The following TAFA2 variants were observed in gnomAD, a reference collection of about 807,000 sequenced individuals.
The protein encoded by TAFA2 is TAFA chemokine like family member 2, also known as chemokine-like protein TAFA-2.
A neutral mutation model predicts 18.8 loss-of-function variants in TAFA2; 7 were observed. That is an observed-to-expected ratio of 0.37 (90% CI 0.21 to 0.70). TAFA2 has a LOEUF of 0.70. Ranked by LOEUF, TAFA2 falls within the 30% of genes least tolerant of loss-of-function variation. The pLI is 0.53. For synonymous variants in TAFA2, 60 were observed against 54.2 expected (o/e 1.11, Z -0.47); for missense variants, 122 against 158.1 (o/e 0.77, Z 1.23).
chr12:62,226,479 G>GA (rs2062787303), intron 1 of TAFA2, among the ~76,000 whole-genome samples: 1 of 152,270 alleles, frequency 6.6e-6, no homozygotes, highest in East Asian at 1.9e-4. Context: ...TTACAGGCGT[G>GA]AGCCACCGCA....
intron 1 of TAFA2, among the ~76,000 whole-genome samples, chr12:62,244,257 A>G (rs1251154450): frequency 7.8e-6 from 1 of 127,782 alleles, no homozygotes; most frequent in South Asian, 2.3e-4. Flanking sequence ...TTTTTTGCAT[A>G]ATGTTTTATT....
chr12:62,014,233 A>AAG (rs1301654354), intron 1 of TAFA2, among the ~76,000 whole-genome samples: 2 of 152,220 alleles, frequency 1.3e-5, no homozygotes, highest in African/African-American at 4.8e-5. Flanking sequence ...TTAGTGGACC[A>AAG]ACTTTGGCAG....
intron 1 of TAFA2, among the ~76,000 whole-genome samples, chr12:62,171,781 TAAGAC>T (rs766924350): frequency 5.1e-4 from 78 of 152,318 alleles, no homozygotes; most frequent in Non-Finnish European, 6.2e-4. Flanking sequence ...CCAAATAAAC[TAAGAC>T]AATAATAAAT....
At chr12:62,171,037 A>T (rs1480536872) in intron 1 of TAFA2, among the ~76,000 whole-genome samples, 1 of 152,152 alleles carries the variant, frequency 6.6e-6, no homozygotes, top group African/African-American at 2.4e-5. Context: ...ACATCAATAT[A>T]TTATTCACTT....
At chr12:62,047,737 GT>G (rs1219922252) in intron 1 of TAFA2, among the ~76,000 whole-genome samples, 1 of 152,024 alleles carries the variant, frequency 6.6e-6, no homozygotes. Context: ...ACCTAAGAAA[GT>G]TTTTTTAAAT....
Position 62,245,585 on chromosome 12 carries a change from T to C in TAFA2, c.-130+13178A>G, listed in dbSNP as rs185163969. Among the ~76,000 whole-genome samples the C allele has an allele frequency of 1.7e-3, 259 of 148,852 alleles. 1 individual carries two copies. Among genetic ancestry groups the C allele is most frequent in the Admixed American group, 5.1e-3 (76 of 14,884 alleles). On this transcript the variant is annotated intron_variant, in intron 1 of 5. Transcript: ENST00000551619. ...GACCAGTTTTGTTGAAATATATATA[T>C]ACACATTTTTCTATGTAATACATAT... is the stretch of plus-strand genomic sequence containing the variant.
At chr12:61,977,564 T>C (rs1272270257) in intron 1 of TAFA2, among the ~76,000 whole-genome samples, 1 of 152,074 alleles carries the variant, frequency 6.6e-6, no homozygotes, top group Non-Finnish European at 1.5e-5. Flanking sequence ...TCTTCTTTTG[T>C]GAAATTCATT....
intron 1 of TAFA2, among the ~76,000 whole-genome samples, chr12:61,969,155 G>A (rs112590363): frequency 9.9e-5 from 15 of 151,738 alleles, no homozygotes; most frequent in African/African-American, 3.6e-4. Flanking sequence ...AGTGTTTCTA[G>A]CACAATAATG....
At chr12:61,902,741 A>G (rs1876162203) in intron 1 of TAFA2, among the ~76,000 whole-genome samples, 1 of 152,182 alleles carries the variant, frequency 6.6e-6, no homozygotes. Context: ...TATCTGTGCC[A>G]AACCTGCACA....
chr12:61,951,166 A>G lies in TAFA2; in HGVS notation c.-1-83740T>C, dbSNP rs1228916869. ...AAAGTCAGAAGCATCGCCAACTTCA[A>G]TAGCAACGGAGGATATGTGACGCAG... On this transcript the variant is annotated intron_variant, in intron 1 of 4. Coordinates refer to ENST00000416284, the MANE Select transcript of TAFA2 (RefSeq NM_178539.5). 3.3e-5 allele frequency among the ~76,000 whole-genome samples: 5 copies of G among 152,170 alleles called. No individual in the cohort carries two copies. In the East Asian group the frequency reaches 9.6e-4, roughly 29 times the overall value.
At chr12:61,840,797 A>T (rs977591242) in intron 2 of TAFA2, among the ~76,000 whole-genome samples, 1 of 152,064 alleles carries the variant, frequency 6.6e-6, no homozygotes, top group African/African-American at 2.4e-5. Context: ...GAAAGTGAGG[A>T]TGGTGGTAGA....
chr12:62,216,047 A>C (rs2062734575), intron 1 of TAFA2, among the ~76,000 whole-genome samples: 1 of 152,160 alleles, frequency 6.6e-6, no homozygotes, highest in African/African-American at 2.4e-5. Flanking sequence ...CCATTTTCTC[A>C]ACTAAGAAAA....
intron 1 of TAFA2, among the ~76,000 whole-genome samples, chr12:62,226,399 G>A (rs932361211): frequency 5.9e-5 from 9 of 151,990 alleles, no homozygotes; most frequent in African/African-American, 2.2e-4. Flanking sequence ...GAGTTTCACT[G>A]TGTTAGCCAA....
chr12:62,065,736 T>C (rs1460563747), intron 1 of TAFA2, among the ~76,000 whole-genome samples: 1 of 150,652 alleles, frequency 6.6e-6, no homozygotes, highest in African/African-American at 2.4e-5. Flanking sequence ...GTGTGTTTAC[T>C]GATTAGTAGG....
chr12:62,043,114 T>C (rs1881807890), intron 1 of TAFA2, among the ~76,000 whole-genome samples: 2 of 152,152 alleles, frequency 1.3e-5, no homozygotes, highest in South Asian at 4.1e-4. Context: ...TCACAATATT[T>C]TAATGTATGT....
intron 1 of TAFA2, among the ~76,000 whole-genome samples, chr12:62,100,550 CA>C (rs962575146): frequency 1.3e-5 from 2 of 152,166 alleles, no homozygotes; most frequent in African/African-American, 4.8e-5. Flanking sequence ...ATCCCTTACC[CA>C]CCTGTTAGAT....
At chr12:61,923,453 C>T (rs1157429698) in intron 1 of TAFA2, among the ~76,000 whole-genome samples, 1 of 152,186 alleles carries the variant, frequency 6.6e-6, no homozygotes, top group Non-Finnish European at 1.5e-5. Flanking sequence ...AAAACAGTCT[C>T]TGGAGTGGAC....
intron 2 of TAFA2, among the ~76,000 whole-genome samples, chr12:61,795,545 A>T (rs1027703792): frequency 6.6e-6 from 1 of 152,058 alleles, no homozygotes; most frequent in African/African-American, 2.4e-5. Context: ...ACGCTTGGAC[A>T]CAGGAAGGGG....
chr12:61,800,998 G>T (rs1871377065), intron 2 of TAFA2, among the ~76,000 whole-genome samples: 2 of 152,132 alleles, frequency 1.3e-5, no homozygotes, highest in Non-Finnish European at 2.9e-5. Context: ...CATGTCAGTT[G>T]TAAAGAATGT....
Sources: gnomAD v4.1 joint callset for allele counts (sites outside exome capture counted in the v4.1 genomes callset) on GRCh38, gnomAD v4.1.1 for gene constraint, MANE v1.5 for transcripts, NCBI Gene and HGNC (gene_info 2026-07-23, HGNC 2026-07-21) for gene names.